Variants in SGCD observed in about 807,000 individuals in gnomAD.
The protein encoded by SGCD is delta-sarcoglycan.
Under a neutral mutation model 36.6 loss-of-function variants are expected in SGCD, and 18 were observed. That is an observed-to-expected ratio of 0.49 (90% CI 0.34 to 0.73). The LOEUF is 0.73. Among genes scored for constraint, SGCD ranks in the 30% least tolerant of loss-of-function variants. The pLI is 0.01. For missense variants in SGCD, 387 were observed against 346.7 expected (o/e 1.12, Z -0.92); for synonymous variants, 133 against 130.6 (o/e 1.02, Z -0.12).
chr5:155,749,498 T>A, the SGCD span, among the ~76,000 whole-genome samples: 6 of 152,366 alleles, frequency 3.9e-5, no homozygotes, highest in South Asian at 1.2e-3. Flanking sequence ...TATAATCTTG[T>A]CTATTTACAT....
chr5:156,342,272 A>G (rs1217577720), intron 2 of SGCD, among the ~76,000 whole-genome samples: 2 of 152,242 alleles, frequency 1.3e-5, no homozygotes, highest in African/African-American at 4.8e-5. Context: ...TATAGTGGCA[A>G]TATCACCAGC....
chr5:155,787,247 TA>T, the SGCD span, among the ~76,000 whole-genome samples: 9 of 152,124 alleles, frequency 5.9e-5, no homozygotes, highest in Admixed American at 5.9e-4. Flanking sequence ...AAATTGTGCC[TA>T]TAAAACAAAC....
At chr5:156,500,690 C>A (rs936912882) in intron 3 of SGCD, among the ~76,000 whole-genome samples, 2 of 152,156 alleles carry the variant, frequency 1.3e-5, no homozygotes, top group Non-Finnish European at 1.5e-5. Context: ...CAACGACCAA[C>A]GTTTGCCTTT....
intron 1 of SGCD, among the ~76,000 whole-genome samples, chr5:155,897,073 TG>T (rs1214268051): frequency 3.3e-5 from 5 of 152,230 alleles, no homozygotes; most frequent in Non-Finnish European, 7.3e-5. Context: ...GAATCTATTC[TG>T]AGAGATTTAT....
intron 1 of SGCD, among the ~76,000 whole-genome samples, chr5:156,111,728 A>G (rs1761790759): frequency 6.6e-6 from 1 of 152,122 alleles, no homozygotes; most frequent in East Asian, 1.9e-4. Context: ...GTGGAGGTTA[A>G]CAGTGTGATG....
intron 3 of SGCD, among the ~76,000 whole-genome samples, chr5:156,373,496 A>G (rs1221337797): frequency 1.3e-5 from 2 of 152,212 alleles, no homozygotes; most frequent in Non-Finnish European, 2.9e-5. Flanking sequence ...ACAACAGTCT[A>G]TTACACATTT....
At chr5:156,100,007 G>A (rs1187020451) in intron 1 of SGCD, among the ~76,000 whole-genome samples, 1 of 151,996 alleles carries the variant, frequency 6.6e-6, no homozygotes, top group Non-Finnish European at 1.5e-5. Context: ...ATATGTCATA[G>A]GCTATATGTG....
At chr5:156,334,118 T>G (rs1237775704) in intron 2 of SGCD, among the ~76,000 whole-genome samples, 1 of 152,132 alleles carries the variant, frequency 6.6e-6, no homozygotes, top group Non-Finnish European at 1.5e-5. Context: ...GTCATGTTCA[T>G]TATTATTTTA....
At chr5:155,926,726 T>C (rs916600265) in intron 1 of SGCD, among the ~76,000 whole-genome samples, 2 of 152,270 alleles carry the variant, frequency 1.3e-5, no homozygotes, top group South Asian at 4.1e-4. Context: ...TAAATTGAGG[T>C]ATATACACAT....
At chr5:156,232,467 G>A (rs1258897847) in intron 3 of SGCD, among the ~76,000 whole-genome samples, 3 of 152,138 alleles carry the variant, frequency 2.0e-5, no homozygotes, top group African/African-American at 2.4e-5. Flanking sequence ...GTAGACAGTC[G>A]AAAACCCGTC....
chr5:155,729,233 T>C, the SGCD span, among the ~76,000 whole-genome samples: 2 of 152,232 alleles, frequency 1.3e-5, no homozygotes, highest in African/African-American at 4.8e-5. Context: ...GATCGCTGAC[T>C]TCCTCACCAA....
intron 3 of SGCD, among the ~76,000 whole-genome samples, chr5:156,283,169 A>C (rs1259046275): frequency 6.6e-6 from 1 of 152,190 alleles, no homozygotes; most frequent in African/African-American, 2.4e-5. Context: ...GTGGTTGTAG[A>C]GGAGGATGGG....
chr5:156,431,878 G>A (rs1753029637), intron 3 of SGCD, among the ~76,000 whole-genome samples: 1 of 152,096 alleles, frequency 6.6e-6, no homozygotes, highest in South Asian at 2.1e-4. Flanking sequence ...ACCATGCCCA[G>A]CTAATTTTTG....
At chr5:155,831,338 A>G in the SGCD span, among the ~76,000 whole-genome samples, 2 of 152,106 alleles carry the variant, frequency 1.3e-5, no homozygotes, top group Non-Finnish European at 2.9e-5. Context: ...AGTTCATTTC[A>G]TCTTGTACAA....
intron 4 of SGCD, among the ~76,000 whole-genome samples, chr5:156,584,467 A>C (rs1468721420): frequency 1.3e-5 from 2 of 152,330 alleles, no homozygotes; most frequent in East Asian, 3.9e-4. Flanking sequence ...TTATGCTTAG[A>C]AGACAGATGA....
intron 3 of SGCD, among the ~76,000 whole-genome samples, chr5:156,250,536 G>T (rs900156651): frequency 1.3e-5 from 2 of 152,168 alleles, no homozygotes; most frequent in African/African-American, 4.8e-5. Context: ...GACCCTGGAT[G>T]AGGCTCACAC....
chr5:155,807,833 T>C, the SGCD span, among the ~76,000 whole-genome samples: 2 of 152,220 alleles, frequency 1.3e-5, no homozygotes, highest in African/African-American at 4.8e-5. Context: ...AGACTCTTTA[T>C]GGAGAGAGGA....
At chr5:155,946,676 T>G (rs912266515) in intron 1 of SGCD, among the ~76,000 whole-genome samples, 1 of 152,188 alleles carries the variant, frequency 6.6e-6, no homozygotes, top group East Asian at 1.9e-4. Context: ...AAGTTACTGT[T>G]TATGTAACTA....
chr5:156,074,316 C>T (rs1342625012), intron 1 of SGCD, among the ~76,000 whole-genome samples: 1 of 151,886 alleles, frequency 6.6e-6, no homozygotes, highest in Admixed American at 6.6e-5. Context: ...GGGAGCTGAT[C>T]ATAATCCCAA....
Sources: allele counts gnomAD v4.1 joint callset (sites outside exome capture counted in the v4.1 genomes callset), GRCh38; gene constraint gnomAD v4.1.1; transcripts MANE v1.5; gene names NCBI Gene and HGNC (gene_info 2026-07-23, HGNC 2026-07-21).